The following BATF variants were observed in gnomAD, a reference collection of about 807,000 sequenced individuals.
BATF encodes the protein basic leucine zipper ATF-like transcription factor, also known as basic leucine zipper transcriptional factor ATF-like.
BATF carries 5 observed loss-of-function variants against 13.7 expected under a neutral mutation model. The observed-to-expected ratio is 0.36, with a 90% CI of 0.19 to 0.77. The LOEUF (loss-of-function observed/expected upper bound fraction) is 0.77. Ranked by LOEUF, BATF falls within the 30% of genes least tolerant of loss-of-function variation. The pLI, the probability that BATF is intolerant of heterozygous loss-of-function variation, is 0.51. For missense variants in BATF, 124 were observed against 163.0 expected (o/e 0.76, Z 1.30); for synonymous variants, 72 against 67.5 (o/e 1.07, Z -0.33).
intron 2 of BATF, among the ~76,000 whole-genome samples, chr14:75,532,347 G>C (rs80346999): frequency 0.019 from 2,872 of 152,110 alleles, 85 homozygotes; most frequent in African/African-American, 0.067. Flanking sequence ...ATCATCAGGC[G>C]TGATCAAGAA....
At chr14:75,522,823 C>A in intron 1 of BATF, 78 bp downstream of exon 1, 2 of 1,568,336 alleles carry the variant, frequency 1.3e-6, no homozygotes, top group Non-Finnish European at 8.8e-7. Context: ...CCTTGTCCTG[C>A]CCAGGGAGCT....
chr14:75,543,839 A>C (rs921854415), intron 2 of BATF, among the ~76,000 whole-genome samples: 5 of 151,440 alleles, frequency 3.3e-5, no homozygotes, highest in Admixed American at 2.0e-4. Flanking sequence ...AAAAAAAAAA[A>C]CCCAAAAAAC....
rs1414509714 is a variant in BATF at position 75,538,758 on chromosome 14, G to A, written c.169-7704G>A. Among the ~76,000 whole-genome samples the A allele has an allele frequency of 2.6e-5, 4 of 152,278 alleles. No individual in the cohort carries two copies. The South Asian group carries it at 6.2e-4, about 24-fold the overall frequency. ...CTACTAAAAATACAAAAAATTAGCC[G>A]GGCATGGTGGCGGGTGCCCGTAGTC... On this transcript the variant is annotated intron_variant, in intron 2 of 2. Coordinates refer to ENST00000286639, the MANE Select transcript of BATF (RefSeq NM_006399.5).
chr14:75,524,965 T>C, intron 1 of BATF, 119 bp from the exon 2 acceptor site: 3 of 792,322 alleles, frequency 3.8e-6, no homozygotes, highest in Non-Finnish European at 6.1e-6. Flanking sequence ...GGATGGAGGG[T>C]TCATGCAGAG....
At chr14:75,542,915 G>A (rs537594252) in intron 2 of BATF, among the ~76,000 whole-genome samples, 2 of 152,334 alleles carry the variant, frequency 1.3e-5, no homozygotes, top group African/African-American at 4.8e-5. Context: ...GGAAGGACCC[G>A]CTGTCACTTC....
At chr14:75,529,908 C>T (rs529817121) in intron 2 of BATF, among the ~76,000 whole-genome samples, 166 of 151,926 alleles carry the variant, frequency 1.1e-3, no homozygotes, top group African/African-American at 3.8e-3. Context: ...ACTAAAAATA[C>T]AAAAAATTAG....
At chr14:75,541,309 G>A (rs1007639887) in intron 2 of BATF, among the ~76,000 whole-genome samples, 1 of 152,176 alleles carries the variant, frequency 6.6e-6, no homozygotes, top group Non-Finnish European at 1.5e-5. Context: ...CCATTTTAAA[G>A]TGAGGCAACT....
intron 2 of BATF, among the ~76,000 whole-genome samples, chr14:75,529,561 A>T (rs369210792): frequency 1.3e-5 from 2 of 152,322 alleles, no homozygotes; most frequent in African/African-American, 4.8e-5. Flanking sequence ...AAAACATAAA[A>T]CCCTGAAGCC....
chr14:75,538,643 T>C (rs1887851304), intron 2 of BATF, among the ~76,000 whole-genome samples: 1 of 152,244 alleles, frequency 6.6e-6, no homozygotes, highest in Non-Finnish European at 1.5e-5. Flanking sequence ...GGCTCACGCC[T>C]GTAATCCCAA....
chr14:75,524,313 C>T (rs566656677), intron 1 of BATF, among the ~76,000 whole-genome samples: 2 of 152,350 alleles, frequency 1.3e-5, no homozygotes, highest in African/African-American at 4.8e-5. Flanking sequence ...CATTAACGTT[C>T]TTTTTGGCAT....
At chr14:75,537,876 G>A (rs1595007026) in intron 2 of BATF, among the ~76,000 whole-genome samples, 1 of 152,108 alleles carries the variant, frequency 6.6e-6, no homozygotes, top group East Asian at 1.9e-4. Context: ...CAGGGGCTTG[G>A]CCTTTCACAA....
intron 2 of BATF, among the ~76,000 whole-genome samples, chr14:75,527,141 C>T (rs530570694): frequency 3.3e-5 from 5 of 151,950 alleles, no homozygotes; most frequent in South Asian, 2.1e-4. Flanking sequence ...CTATACAGAT[C>T]GTACATTTAA....
At chr14:75,529,422 T>C (rs1887700776) in intron 2 of BATF, among the ~76,000 whole-genome samples, 1 of 151,892 alleles carries the variant, frequency 6.6e-6, no homozygotes, top group Admixed American at 6.6e-5. Flanking sequence ...TCACTTGAAG[T>C]CAGGAGTTCG....
chr14:75,525,213 C>T, intron 2 of BATF, 25 bp downstream of exon 2: 1 of 1,603,928 alleles, frequency 6.2e-7, no homozygotes, highest in Non-Finnish European at 8.5e-7. Context: ...CAATCTTCAT[C>T]CTCGTGAGCT....
At chr14:75,544,792 ATTTTTTTTTTTTTTTT>A (rs55834315) in intron 2 of BATF, among the ~76,000 whole-genome samples, 22 of 134,210 alleles carry the variant, frequency 1.6e-4, no homozygotes, top group African/African-American at 5.9e-4. Flanking sequence ...TTGAACTGAA[ATTTTTTTTTTTTTTTT>A]TTTTTTGCAT....
At chr14:75,537,367 G>T (rs1887834901) in intron 2 of BATF, among the ~76,000 whole-genome samples, 1 of 152,176 alleles carries the variant, frequency 6.6e-6, no homozygotes, top group Admixed American at 6.5e-5. Context: ...GAATTCTCAT[G>T]GACATCACAG....
intron 2 of BATF, among the ~76,000 whole-genome samples, chr14:75,530,598 T>C (rs1398526493): frequency 6.6e-6 from 1 of 152,260 alleles, no homozygotes; most frequent in Non-Finnish European, 1.5e-5. Context: ...ATCACTTCTG[T>C]ACTTTAAGTT....
intron 2 of BATF, among the ~76,000 whole-genome samples, chr14:75,536,700 G>C (rs1163528066): frequency 1.9e-5 from 2 of 103,180 alleles, no homozygotes. Flanking sequence ...TCCAGCCTGG[G>C]CAACAGGGCA....
intron 2 of BATF, among the ~76,000 whole-genome samples, chr14:75,538,108 G>A (rs1442634306): frequency 6.6e-6 from 1 of 152,116 alleles, no homozygotes. Context: ...ACAGGTGTGT[G>A]CCACTATGCC....
Sources: gnomAD v4.1 joint callset for allele counts (sites outside exome capture counted in the v4.1 genomes callset) on GRCh38, gnomAD v4.1.1 for gene constraint, MANE v1.5 for transcripts, NCBI Gene and HGNC (gene_info 2026-07-23, HGNC 2026-07-21) for gene names.